The following FSTL5 variants were observed in gnomAD, a reference collection of about 807,000 sequenced individuals.
FSTL5 encodes follistatin like 5, also known as follistatin-related protein 5.
FSTL5 carries 62 observed loss-of-function variants against 89.1 expected under a neutral mutation model. The observed-to-expected ratio is 0.70, with a 90% CI of 0.57 to 0.86. The LOEUF (loss-of-function observed/expected upper bound fraction) is 0.86, where lower values mean the gene tolerates loss of function less well. Among genes scored for constraint, FSTL5 ranks in the 40% least tolerant of loss-of-function variants. FSTL5 has a pLI of 0.00. For missense variants in FSTL5, 1,057 were observed against 1,001.6 expected (o/e 1.06, Z -0.75); for synonymous variants, 383 against 346.2 (o/e 1.11, Z -1.18).
chr4:161,956,904 C>T (rs962099570), intron 3 of FSTL5, among the ~76,000 whole-genome samples: 4 of 151,748 alleles, frequency 2.6e-5, no homozygotes, highest in African/African-American at 9.7e-5. Context: ...TGTGGTACTA[C>T]CTTGCAAAAT....
chr4:161,882,388 C>T (rs1431490), intron 4 of FSTL5, among the ~76,000 whole-genome samples: 126,364 of 152,020 alleles, frequency 0.83, 53,212 homozygotes, highest in Non-Finnish European at 0.9. Context: ...CAGCAGATTA[C>T]TGGGAAACTT....
chr4:162,001,192 G>A (rs1736452694), intron 3 of FSTL5, among the ~76,000 whole-genome samples: 1 of 152,148 alleles, frequency 6.6e-6, no homozygotes, highest in South Asian at 2.1e-4. Context: ...CTATATGCCA[G>A]CAACTGAATA....
chr4:161,808,392 T>C (rs946535396), intron 4 of FSTL5, among the ~76,000 whole-genome samples: 1 of 152,288 alleles, frequency 6.6e-6, no homozygotes, highest in East Asian at 1.9e-4. Context: ...TGTACACTCA[T>C]GTTCATAGCA....
intron 4 of FSTL5, among the ~76,000 whole-genome samples, chr4:161,811,563 A>C (rs11100391): frequency 3.3e-5 from 5 of 151,884 alleles, no homozygotes; most frequent in Non-Finnish European, 7.4e-5. Context: ...TTTGCACAGC[A>C]TACAGTATGT....
At chr4:161,783,421 T>C (rs1320607189) in intron 4 of FSTL5, among the ~76,000 whole-genome samples, 4 of 151,980 alleles carry the variant, frequency 2.6e-5, no homozygotes, top group Non-Finnish European at 5.9e-5. Flanking sequence ...GCACATGACA[T>C]GCAAGGCCTT....
chr4:161,998,149 G>A (rs1736356460), intron 3 of FSTL5, among the ~76,000 whole-genome samples: 1 of 152,132 alleles, frequency 6.6e-6, no homozygotes, highest in African/African-American at 2.4e-5. Flanking sequence ...ATGCATCTTA[G>A]TGACCAAGAA....
chr4:161,545,735 T>C (rs956195487), intron 8 of FSTL5, among the ~76,000 whole-genome samples: 1 of 151,958 alleles, frequency 6.6e-6, no homozygotes, highest in Non-Finnish European at 1.5e-5. Flanking sequence ...CAAAGATTCA[T>C]TGCAGAATCT....
chr4:161,424,258 A>G (rs1041159381), intron 15 of FSTL5, among the ~76,000 whole-genome samples: 3 of 151,774 alleles, frequency 2.0e-5, no homozygotes, highest in Non-Finnish European at 4.4e-5. Context: ...TGCTCAGATT[A>G]TCCATGTAAT....
chr4:162,088,413 A>G (rs1423581149), intron 2 of FSTL5, among the ~76,000 whole-genome samples: 1 of 152,060 alleles, frequency 6.6e-6, no homozygotes, highest in East Asian at 1.9e-4. Context: ...TATATATCTA[A>G]ATATTTCTCA....
intron 1 of FSTL5, among the ~76,000 whole-genome samples, chr4:162,142,825 T>G (rs1435954947): frequency 6.6e-6 from 1 of 152,194 alleles, no homozygotes; most frequent in Non-Finnish European, 1.5e-5. Flanking sequence ...GTGACTTTAG[T>G]CAAATTATTT....
intron 6 of FSTL5, among the ~76,000 whole-genome samples, chr4:161,742,657 G>T (rs1434094859): frequency 6.6e-6 from 1 of 152,182 alleles, no homozygotes; most frequent in African/African-American, 2.4e-5. Context: ...TGTCCAGTGG[G>T]CCAAGGATGG....
chr4:161,707,283 G>C (rs1048059643), intron 6 of FSTL5, among the ~76,000 whole-genome samples: 2 of 151,740 alleles, frequency 1.3e-5, no homozygotes, highest in Admixed American at 6.6e-5. Context: ...TTTAAATATA[G>C]TTTCTTGGAC....
At chr4:161,936,997 GA>G (rs951226231) in intron 3 of FSTL5, among the ~76,000 whole-genome samples, 4 of 152,134 alleles carry the variant, frequency 2.6e-5, no homozygotes, top group East Asian at 3.9e-4. Flanking sequence ...TTCTAAGTCA[GA>G]TTTTCAATGT....
At chr4:161,921,384 A>G (rs1210488992) in intron 3 of FSTL5, among the ~76,000 whole-genome samples, 2 of 152,100 alleles carry the variant, frequency 1.3e-5, no homozygotes, top group Non-Finnish European at 2.9e-5. Flanking sequence ...AAGTGAATCC[A>G]CCAATCTTGT....
chr4:161,392,897 C>G (rs1282619109), intron 15 of FSTL5, among the ~76,000 whole-genome samples: 1 of 152,124 alleles, frequency 6.6e-6, no homozygotes, highest in Non-Finnish European at 1.5e-5. Flanking sequence ...GGCGCAGTGG[C>G]TCACACCTGT....
chr4:161,546,996 T>C (rs1218921184), intron 8 of FSTL5, among the ~76,000 whole-genome samples: 1 of 151,934 alleles, frequency 6.6e-6, no homozygotes, highest in Non-Finnish European at 1.5e-5. Context: ...CAGCATTAGG[T>C]CATAAAAGGT....
At chr4:161,728,635 A>C (rs1431428153) in intron 6 of FSTL5, among the ~76,000 whole-genome samples, 7 of 152,162 alleles carry the variant, frequency 4.6e-5, no homozygotes, top group Non-Finnish European at 8.8e-5. Flanking sequence ...CAACCCTAAT[A>C]CTGAATACAT....
intron 7 of FSTL5, among the ~76,000 whole-genome samples, chr4:161,593,917 C>A (rs1321733666): frequency 2.6e-5 from 4 of 152,042 alleles, no homozygotes; most frequent in Non-Finnish European, 5.9e-5. Context: ...ACAGACAGAA[C>A]ACTGTTAAGG....
intron 11 of FSTL5, among the ~76,000 whole-genome samples, chr4:161,503,117 T>A (rs771560313): frequency 1.3e-5 from 2 of 151,846 alleles, no homozygotes; most frequent in African/African-American, 2.4e-5. Context: ...GTGTGATAAT[T>A]TCCCCATATC....
Sources: allele counts gnomAD v4.1 joint callset (sites outside exome capture counted in the v4.1 genomes callset), GRCh38; gene constraint gnomAD v4.1.1; transcripts MANE v1.5; gene names NCBI Gene and HGNC (gene_info 2026-07-23, HGNC 2026-07-21).